Variants in ZNF385B observed in about 807,000 individuals in gnomAD.
The protein encoded by ZNF385B is zinc finger protein 385B.
A neutral mutation model predicts 39.2 loss-of-function variants in ZNF385B; 23 were observed. The ratio of observed to expected loss-of-function variants is 0.59; its 90% CI spans 0.42 to 0.83. The LOEUF (loss-of-function observed/expected upper bound fraction) is 0.83. Among genes scored for constraint, ZNF385B ranks in the 40% least tolerant of loss-of-function variants. The pLI is 0.00. For missense variants in ZNF385B, 552 were observed against 598.9 expected (o/e 0.92, Z 0.82); for synonymous variants, 205 against 222.6 (o/e 0.92, Z 0.70).
chr2:179,743,406 T>C (rs972255928), intron 3 of ZNF385B, among the ~76,000 whole-genome samples: 19 of 152,192 alleles, frequency 1.2e-4, no homozygotes, highest in African/African-American at 4.6e-4. Context: ...TTCAATAATA[T>C]TTTATCTTGA....
chr2:179,565,567 T>C (rs1300096145), intron 3 of ZNF385B, among the ~76,000 whole-genome samples: 2 of 152,246 alleles, frequency 1.3e-5, no homozygotes, highest in African/African-American at 4.8e-5. Flanking sequence ...CTTATTTGTC[T>C]TTTTGTCTCT....
intron 1 of ZNF385B, among the ~76,000 whole-genome samples, chr2:179,829,897 A>C (rs1490521628): frequency 6.6e-6 from 1 of 152,238 alleles, no homozygotes; most frequent in East Asian, 1.9e-4. Flanking sequence ...GAAATTTAAA[A>C]CTTTGGCTCT....
intron 3 of ZNF385B, among the ~76,000 whole-genome samples, chr2:179,587,866 CTAA>C (rs1305159665): frequency 2.0e-5 from 3 of 152,152 alleles, no homozygotes; most frequent in Non-Finnish European, 4.4e-5. Context: ...CTATTTTCTC[CTAA>C]TAATAAGTCC....
intron 6 of ZNF385B, among the ~76,000 whole-genome samples, chr2:179,472,406 G>A (rs2052871789): frequency 6.6e-6 from 1 of 152,160 alleles, no homozygotes; most frequent in Non-Finnish European, 1.5e-5. Flanking sequence ...ATGATATTGT[G>A]CTAGGGAAGA....
chr2:179,699,407 A>G (rs1363350739), intron 3 of ZNF385B, among the ~76,000 whole-genome samples: 1 of 152,234 alleles, frequency 6.6e-6, no homozygotes, highest in Non-Finnish European at 1.5e-5. Flanking sequence ...TTTAGAAACA[A>G]TGATTTAACA....
At chr2:179,683,115 C>T (rs868539698) in intron 3 of ZNF385B, among the ~76,000 whole-genome samples, 1 of 152,208 alleles carries the variant, frequency 6.6e-6, no homozygotes, top group South Asian at 2.1e-4. Context: ...GGCCAGGCGC[C>T]GGTGGCTCAC....
At chr2:179,756,376 G>A (rs1460330318) in intron 3 of ZNF385B, among the ~76,000 whole-genome samples, 2 of 152,158 alleles carry the variant, frequency 1.3e-5, no homozygotes, top group Non-Finnish European at 2.9e-5. Context: ...CTTCCTTTGT[G>A]GGTAACCCGA....
chr2:179,491,147 G>A (rs957773715), intron 5 of ZNF385B, among the ~76,000 whole-genome samples: 2 of 152,068 alleles, frequency 1.3e-5, no homozygotes, highest in Admixed American at 6.6e-5. Flanking sequence ...CATAGGTAAT[G>A]AGTAATAAAA....
intron 3 of ZNF385B, among the ~76,000 whole-genome samples, chr2:179,725,307 G>T (rs1293876976): frequency 6.6e-6 from 1 of 151,802 alleles, no homozygotes; most frequent in African/African-American, 2.4e-5. Flanking sequence ...CAATTAATAG[G>T]TTAGTTATAA....
chr2:179,483,461 T>C (rs1288594245), intron 5 of ZNF385B, 27 bp from the exon 6 acceptor site: 1 of 1,612,188 alleles, frequency 6.2e-7, no homozygotes, highest in East Asian at 2.2e-5. Context: ...ATCAGGCTCA[T>C]TTTTTTGCTA....
intron 1 of ZNF385B, among the ~76,000 whole-genome samples, chr2:179,811,024 G>A (rs575297014): frequency 6.6e-6 from 1 of 152,206 alleles, no homozygotes; most frequent in Non-Finnish European, 1.5e-5. Context: ...TGTTCAAGCT[G>A]AGAGCCAAAT....
intron 3 of ZNF385B, among the ~76,000 whole-genome samples, chr2:179,626,106 G>A (rs1690640684): frequency 6.6e-6 from 1 of 152,030 alleles, no homozygotes; most frequent in Non-Finnish European, 1.5e-5. Context: ...TCACAACTCA[G>A]AATGTATACA....
chr2:179,688,135 G>T (rs1353938500), intron 3 of ZNF385B, among the ~76,000 whole-genome samples: 1 of 151,978 alleles, frequency 6.6e-6, no homozygotes, highest in Non-Finnish European at 1.5e-5. Context: ...GGACTTCTGT[G>T]GTCTAGAAAT....
chr2:179,445,786 G>C (rs2049412073), intron 7 of ZNF385B, 58 bp from the exon 8 acceptor site: 1 of 1,443,034 alleles, frequency 6.9e-7, no homozygotes, highest in Non-Finnish European at 9.2e-7. Flanking sequence ...AAAGCTCTTT[G>C]TTTTCTTATC....
intron 5 of ZNF385B, among the ~76,000 whole-genome samples, chr2:179,501,727 T>G (rs2056780885): frequency 6.6e-6 from 1 of 152,156 alleles, no homozygotes; most frequent in South Asian, 2.1e-4. Context: ...TAAAATTACT[T>G]AAAAGTATAA....
intron 1 of ZNF385B, among the ~76,000 whole-genome samples, chr2:179,833,707 C>T (rs1708101128): frequency 6.6e-6 from 1 of 151,930 alleles, no homozygotes; most frequent in Non-Finnish European, 1.5e-5. Context: ...TAATGTTTTA[C>T]ATATTAAAAA....
chr2:179,581,629 G>C (rs1197655272), intron 3 of ZNF385B, among the ~76,000 whole-genome samples: 1 of 152,150 alleles, frequency 6.6e-6, no homozygotes, highest in African/African-American at 2.4e-5. Flanking sequence ...CTTATGGTAG[G>C]CACTGCTAGT....
intron 1 of ZNF385B, among the ~76,000 whole-genome samples, chr2:179,803,297 C>T (rs1706145365): frequency 6.6e-6 from 1 of 151,996 alleles, no homozygotes; most frequent in African/African-American, 2.4e-5. Context: ...TGAACATTTC[C>T]ACAGTAATGT....
At chr2:179,537,952 C>T (rs929460736) in intron 4 of ZNF385B, among the ~76,000 whole-genome samples, 24 of 152,132 alleles carry the variant, frequency 1.6e-4, no homozygotes, top group African/African-American at 5.5e-4. Context: ...ATCAACCTCT[C>T]CCCTCTTCAA....
Sources: gnomAD v4.1 joint callset for allele counts (sites outside exome capture counted in the v4.1 genomes callset) on GRCh38, gnomAD v4.1.1 for gene constraint, MANE v1.5 for transcripts, NCBI Gene and HGNC (gene_info 2026-07-23, HGNC 2026-07-21) for gene names.